BICD1: variants seen among roughly 807,000 people sequenced by gnomAD.
The protein encoded by BICD1 is protein bicaudal D homolog 1.
Under a neutral mutation model 92.5 loss-of-function variants are expected in BICD1, and 35 were observed. The observed-to-expected ratio is 0.38, with a 90% confidence interval of 0.29 to 0.50. BICD1 has a LOEUF of 0.50. BICD1 is among the 20% of genes least tolerant of loss of function. BICD1 has a pLI of 0.93. For missense variants in BICD1, 950 were observed against 1,189.8 expected (o/e 0.80, Z 2.97); for synonymous variants, 429 against 465.1 (o/e 0.92, Z 1.00).
chr12:32,278,565 A>G (rs1411254187), intron 2 of BICD1, among the ~76,000 whole-genome samples: 1 of 152,254 alleles, frequency 6.6e-6, no homozygotes, highest in Non-Finnish European at 1.5e-5. Context: ...ATAAAAATTA[A>G]CTAGCAGCCC....
At chr12:32,244,310 C>CTT (rs1946315624) in intron 2 of BICD1, among the ~76,000 whole-genome samples, 1 of 152,156 alleles carries the variant, frequency 6.6e-6, no homozygotes, top group Non-Finnish European at 1.5e-5. Flanking sequence ...CTGTGTCTCT[C>CTT]TTTGCCTTTC....
chr12:32,107,069 C>T lies in BICD1; in HGVS notation c.-263C>T. On this transcript the variant is annotated 5_prime_UTR_variant, in exon 1 of 10. Transcript: ENST00000652176. ...GCTGCTGACCGCACGCAGGGGCCGG[C>T]CCCGAGGACACATGCGGCGGCCTTT... 2.1e-6 allele frequency: 1 copy of T among 467,674 alleles called. No homozygotes were observed. Among genetic ancestry groups the T allele is most frequent in the South Asian group, 2.5e-5 (1 of 40,664 alleles). 29.0% of individuals were successfully genotyped at this position (467,674 alleles called of 1,614,324 possible).
Position 32,233,276 on chromosome 12 carries a change from T to C in BICD1, c.426+16817T>C, listed in dbSNP as rs539722738. Among the ~76,000 whole-genome samples, 344 of 143,352 alleles carry C rather than the reference T, an allele frequency of 2.4e-3. 2 individuals carry two copies. Among genetic ancestry groups the C allele is most frequent in the African/African-American group, 8.6e-3 (331 of 38,608 alleles). The allele number at this position is 143,352 out of a possible 152,430, so 94.0% of individuals were successfully genotyped here. A position where few individuals can be genotyped will look rare whatever the true frequency, so the allele number is the denominator to read the frequency against. On this transcript the variant is annotated intron_variant, in intron 2 of 9. Transcript: ENST00000652176. ...GGAGGAGGTTGCAGTAAGCTGAGAT[T>C]GTGCCATTGCACTCCAGCCTGGATG...
At chr12:32,183,090 G>A (rs984414178) in intron 1 of BICD1, among the ~76,000 whole-genome samples, 3 of 151,096 alleles carry the variant, frequency 2.0e-5, no homozygotes, top group East Asian at 1.9e-4. Flanking sequence ...TTGTAGAGAC[G>A]GAGTCTTGCT....
chr12:32,165,204 T>C (rs1408331281), intron 1 of BICD1, among the ~76,000 whole-genome samples: 2 of 152,286 alleles, frequency 1.3e-5, no homozygotes, highest in Non-Finnish European at 2.9e-5. Flanking sequence ...CAGGATTTAC[T>C]GGACAGGTTT....
In BICD1 at chr12:32,107,540, A is replaced by G. The variant is rs1167149614; in HGVS notation, c.209A>G (p.Lys70Arg). 2 of 1,581,894 alleles carry G rather than the reference A, an allele frequency of 1.3e-6. No individual in the cohort carries two copies. The highest frequency in any genetic ancestry group is 1.2e-5 in the South Asian group (1 of 86,438). Residue 70 changes from lysine to arginine, a missense_variant, in exon 1 of 10, where the codon AAA becomes AGA. Physicochemically the swap from Lys to Arg is conservative, Grantham distance 26 (BLOSUM62 2). This residue lies in a region of BICD1 where 202 missense variants were observed against 205.3 expected (regional missense o/e 0.98). Transcript: ENST00000652176. ...DSLKQELEQL[K>R]EAFGQSFSIH... ...CTCAAACAGGAGCTGGAGCAGCTCA[A>G]AGAGGTGAGTTGCCTGTCACCTCTC...
At chr12:32,276,647 C>T (rs1947283093) in intron 2 of BICD1, among the ~76,000 whole-genome samples, 1 of 150,872 alleles carries the variant, frequency 6.6e-6, no homozygotes, top group Admixed American at 6.6e-5. Context: ...TTCACTGTTT[C>T]ACTCTATTAA....
At chr12:32,281,051 A>G (rs564025374) in intron 2 of BICD1, among the ~76,000 whole-genome samples, 1 of 150,024 alleles carries the variant, frequency 6.7e-6, no homozygotes, top group South Asian at 2.2e-4. Context: ...ATTTAACCTA[A>G]TATTTCCCAA....
chr12:32,218,000 G>A (rs1188467420), intron 2 of BICD1, among the ~76,000 whole-genome samples: 1 of 152,182 alleles, frequency 6.6e-6, no homozygotes. Context: ...CCAATGAGTC[G>A]AGTATTCTTG....
chr12:32,260,501 G>A (rs1042052776), intron 2 of BICD1, among the ~76,000 whole-genome samples: 5 of 151,994 alleles, frequency 3.3e-5, no homozygotes, highest in Admixed American at 6.5e-5. Context: ...TCGCATGCAT[G>A]TGTGTGTGTC....
At chr12:32,155,268 A>C (rs1943405362) in intron 1 of BICD1, among the ~76,000 whole-genome samples, 1 of 152,206 alleles carries the variant, frequency 6.6e-6, no homozygotes, top group South Asian at 2.1e-4. Context: ...GGGGCATTTC[A>C]AACTGTTACT....
Position 32,377,586 on chromosome 12 carries a change from T to A in BICD1, c.2887T>A (p.Cys963Ser). 1 of 1,614,158 alleles carries A rather than the reference T, an allele frequency of 6.2e-7. No individual in the cohort carries two copies. Among genetic ancestry groups the A allele is most frequent in the Non-Finnish European group, 8.5e-7 (1 of 1,180,018 alleles). Residue 963 changes from cysteine (C) to serine (S), a missense_variant, in exon 10 of 10, where the codon TGC becomes AGC. Physicochemically the swap from Cys to Ser is moderately radical, Grantham distance 112. Around this residue, in one of 5 missense-constraint regions of BICD1, gnomAD observed 179 missense variants for 186.7 expected, o/e 0.96. Coordinates refer to ENST00000652176, the MANE Select transcript of BICD1 (RefSeq NM_001714.4). ...GGAGCAGCCACATTCCAGCTCCCAG[T>A]GCGCCCCTCTCCACTGTCTCTCCAA... Reference protein sequence around the residue: ...PEEQPHSSSQCAPLHCLSKPP... With the variant: ...PEEQPHSSSQSAPLHCLSKPP...
intron 4 of BICD1, among the ~76,000 whole-genome samples, chr12:32,311,219 C>T (rs182847825): frequency 9.9e-5 from 15 of 152,162 alleles, no homozygotes; most frequent in Non-Finnish European, 1.5e-4. Context: ...TACATTGGGC[C>T]GGGTGCGGTG....
chr12:32,248,031 C>T (rs527361377), intron 2 of BICD1, among the ~76,000 whole-genome samples: 43 of 151,864 alleles, frequency 2.8e-4, no homozygotes, highest in Admixed American at 1.8e-3. Flanking sequence ...TGCAGTGAGC[C>T]GAGATCGCAC....
intron 2 of BICD1, among the ~76,000 whole-genome samples, chr12:32,265,303 T>C (rs1946961404): frequency 6.6e-6 from 1 of 152,172 alleles, no homozygotes; most frequent in Admixed American, 6.6e-5. Context: ...AGTCCTTTCT[T>C]ACTTCATCAT....
At chr12:32,216,527 A>G in intron 2 of BICD1, 68 bp downstream of exon 2, 1 of 1,505,330 alleles carries the variant, frequency 6.6e-7, no homozygotes, top group Non-Finnish European at 9.1e-7. Context: ...TCCATAGCAG[A>G]GAGGAATAAC....
At chr12:32,290,064 T>C (rs957210708) in intron 2 of BICD1, among the ~76,000 whole-genome samples, 2 of 152,218 alleles carry the variant, frequency 1.3e-5, no homozygotes, top group African/African-American at 4.8e-5. Flanking sequence ...AATGACTCTG[T>C]TGGAGTTACC....
At position 32,157,631 on chromosome 12, in the gene BICD1, G is replaced by A. The variant is rs1943478963; in HGVS notation, c.213+50087G>A. ...AGGATACCTGTTGGGTGGTTGCAGG[G>A]GCCACCTAACCCCAAATTTCCTTGC... is the stretch of plus-strand genomic sequence containing the variant. On this transcript the variant is annotated intron_variant, in intron 1 of 9. Transcript: ENST00000652176. Among the ~76,000 whole-genome samples the A allele has an allele frequency of 3.3e-5, 5 of 152,042 alleles. No individual in the cohort carries two copies. In the South Asian group the frequency reaches 6.2e-4, roughly 19 times the overall value.
chr12:32,330,964 G>A (rs1042205069), intron 5 of BICD1, among the ~76,000 whole-genome samples: 4 of 152,078 alleles, frequency 2.6e-5, no homozygotes, highest in South Asian at 2.1e-4. Flanking sequence ...GAGAAACACC[G>A]TCCCTACTAA....
Sources: allele counts gnomAD v4.1 joint callset (sites outside exome capture counted in the v4.1 genomes callset), GRCh38; gene constraint gnomAD v4.1.1; regional missense constraint gnomAD v4.1.1; transcripts MANE v1.5; gene names NCBI Gene and HGNC (gene_info 2026-07-23, HGNC 2026-07-21).